Variants in RALYL observed in about 807,000 individuals in gnomAD.
RALYL encodes RALY RNA binding protein like.
A neutral mutation model predicts 35.1 loss-of-function variants in RALYL; 29 were observed. The observed-to-expected ratio is 0.83, with a 90% CI of 0.61 to 1.13. The LOEUF (loss-of-function observed/expected upper bound fraction) is 1.13. Ranked by LOEUF, RALYL falls within the 50% of genes most tolerant of loss-of-function variation. The pLI, the probability that RALYL is intolerant of heterozygous loss-of-function variation, is 0.00. For missense variants in RALYL, 359 were observed against 360.4 expected (o/e 1.00, Z 0.03); for synonymous variants, 120 against 127.6 (o/e 0.94, Z 0.40).
intron 6 of RALYL, among the ~76,000 whole-genome samples, chr8:84,867,144 C>G (rs537841735): frequency 5.5e-4 from 84 of 152,256 alleles, no homozygotes; most frequent in African/African-American, 2.0e-3. Flanking sequence ...ATCTTCTCCC[C>G]ATGTCTTCAC....
At chr8:84,577,395 G>A (rs1809720748) in intron 2 of RALYL, among the ~76,000 whole-genome samples, 1 of 152,164 alleles carries the variant, frequency 6.6e-6, no homozygotes, top group Non-Finnish European at 1.5e-5. Flanking sequence ...GACGAATGGT[G>A]GGTGGTAAAG....
intron 1 of RALYL, among the ~76,000 whole-genome samples, chr8:84,432,101 A>G (rs1320660962): frequency 6.6e-6 from 1 of 152,156 alleles, no homozygotes; most frequent in Non-Finnish European, 1.5e-5. Flanking sequence ...AAGATTTGAA[A>G]ACAGGGTCTC....
At position 84,686,012 on chromosome 8, in the gene RALYL, T is replaced by C. The variant is rs559573307; in HGVS notation, c.257-88567T>C. 5.5e-4 allele frequency among the ~76,000 whole-genome samples: 84 copies of C among 152,246 alleles called. 1 individual carries two copies. The highest frequency in any genetic ancestry group is 6.8e-3 in the Middle Eastern group (2 of 294). ...GGTGCATGTTTGTGGTATGTGTGGA[T>C]TAGGGTACATTTTGTGTATCTCCAC... On this transcript the variant is annotated intron_variant, in intron 2 of 8. Transcript: ENST00000521268.
Position 84,418,331 on chromosome 8 carries a change from G to C in RALYL, c.-23-110968G>C, listed in dbSNP as rs138628979. Among the ~76,000 whole-genome samples the C allele has an allele frequency of 2.0e-5, 3 of 152,162 alleles. No homozygotes were observed. In the East Asian group the frequency reaches 5.8e-4, roughly 29 times the overall value. ...AAGCCTTCCATATAGACTTCTTATG[G>C]AAATAAAATGAAATAATTCATACGA... On this transcript the variant is annotated intron_variant, in intron 1 of 8. Coordinates refer to ENST00000521268, the MANE Select transcript of RALYL (RefSeq NM_173848.7).
intron 1 of RALYL, among the ~76,000 whole-genome samples, chr8:84,287,153 A>G (rs1837775848): frequency 6.6e-6 from 1 of 152,016 alleles, no homozygotes; most frequent in African/African-American, 2.4e-5. Flanking sequence ...TTTTATTTCC[A>G]TGCTTGGGAG....
chr8:84,296,729 A>T (rs1839828854), intron 1 of RALYL, among the ~76,000 whole-genome samples: 1 of 148,270 alleles, frequency 6.7e-6, no homozygotes, highest in Non-Finnish European at 1.5e-5. Flanking sequence ...GCACAAATCT[A>T]GAGTAATTAC....
intron 2 of RALYL, among the ~76,000 whole-genome samples, chr8:84,585,643 G>A (rs1811825945): frequency 6.6e-6 from 1 of 151,920 alleles, no homozygotes; most frequent in Non-Finnish European, 1.5e-5. Context: ...AAACAACATA[G>A]GCAAAATACA....
chr8:84,671,200 G>A (rs1329287924), intron 2 of RALYL, among the ~76,000 whole-genome samples: 1 of 152,144 alleles, frequency 6.6e-6, no homozygotes, highest in Non-Finnish European at 1.5e-5. Flanking sequence ...TCATGCTGAT[G>A]CAAGAGGTGG....
chr8:84,264,199 CA>C (rs1832843348), intron 1 of RALYL, among the ~76,000 whole-genome samples: 1 of 152,096 alleles, frequency 6.6e-6, no homozygotes, highest in Admixed American at 6.6e-5. Flanking sequence ...CATTATCTTC[CA>C]AAATGGTTGA....
intron 3 of RALYL, among the ~76,000 whole-genome samples, chr8:84,804,168 T>C (rs749469018): frequency 1.6e-4 from 25 of 152,322 alleles, no homozygotes; most frequent in Middle Eastern, 3.4e-3. Context: ...AAAGTGGCTT[T>C]CTCAAATGAA....
intron 2 of RALYL, among the ~76,000 whole-genome samples, chr8:84,569,194 G>A (rs960978713): frequency 2.6e-5 from 4 of 152,022 alleles, no homozygotes; most frequent in Non-Finnish European, 5.9e-5. Context: ...TAACATGTAA[G>A]TCTTTAATCT....
chr8:84,714,277 G>A (rs1842630763), intron 2 of RALYL, among the ~76,000 whole-genome samples: 1 of 151,832 alleles, frequency 6.6e-6, no homozygotes, highest in South Asian at 2.1e-4. Context: ...ATGGAAACAT[G>A]TTTGTCAACA....
chr8:84,355,863 A>G (rs1036406649), intron 1 of RALYL, among the ~76,000 whole-genome samples: 1 of 150,230 alleles, frequency 6.7e-6, no homozygotes, highest in African/African-American at 2.5e-5. Context: ...GAATGGTGGT[A>G]TGAAATATAG....
chr8:84,821,393 C>A (rs1315946563), intron 4 of RALYL, among the ~76,000 whole-genome samples: 2 of 152,262 alleles, frequency 1.3e-5, no homozygotes, highest in East Asian at 3.9e-4. Context: ...CTTTTGCTTA[C>A]AAAGCTGGCA....
chr8:84,274,378 C>T (rs1187921556), intron 1 of RALYL, among the ~76,000 whole-genome samples: 1 of 152,072 alleles, frequency 6.6e-6, no homozygotes. Context: ...AATATTCGCT[C>T]TGGTTAACTT....
At chr8:84,806,981 A>T (rs1044576702) in intron 4 of RALYL, among the ~76,000 whole-genome samples, 2 of 152,100 alleles carry the variant, frequency 1.3e-5, no homozygotes, top group African/African-American at 4.8e-5. Context: ...ACTTCACCCC[A>T]GCGTAGGCAA....
At position 84,311,053 on chromosome 8, in the gene RALYL, C is replaced by CAAAAAAAAAAAAAAA. The variant is rs34029529; in HGVS notation, c.-24+126653_-24+126667dup. On this transcript the variant is annotated intron_variant, in intron 1 of 8. Transcript: ENST00000521268. ...TGGGCGACAGAGCGAGACTCCGTCT[C>CAAAAAAAAAAAAAAA]AAAAAAAAAAAAAAAAAAAAAAAAA... Among the ~76,000 whole-genome samples, 6 of 9,528 alleles carry CAAAAAAAAAAAAAAA rather than the reference C, an allele frequency of 6.3e-4. 1 individual carries two copies. The highest frequency in any genetic ancestry group is 8.3e-4 in the African/African-American group (2 of 2,400). The allele number at this position is 9,528 out of a possible 152,430, so 6.3% of individuals were successfully genotyped here.
intron 2 of RALYL, among the ~76,000 whole-genome samples, chr8:84,710,582 G>A (rs1038310731): frequency 2.7e-5 from 4 of 149,114 alleles, no homozygotes; most frequent in South Asian, 4.1e-4. Context: ...GATTACAGTT[G>A]TGAGCCACTG....
intron 2 of RALYL, among the ~76,000 whole-genome samples, chr8:84,702,539 TCACACACACA>T (rs10678224): frequency 5.9e-5 from 8 of 136,460 alleles, no homozygotes; most frequent in Admixed American, 2.2e-4. Flanking sequence ...TCTCTCTCTC[TCACACACACA>T]CACACACACA....
Sources: gnomAD v4.1 joint callset for allele counts (sites outside exome capture counted in the v4.1 genomes callset) on GRCh38, gnomAD v4.1.1 for gene constraint, MANE v1.5 for transcripts, NCBI Gene and HGNC (gene_info 2026-07-23, HGNC 2026-07-21) for gene names.